Variants in CHST11 observed in about 807,000 individuals in gnomAD.
CHST11 encodes carbohydrate sulfotransferase 11, also known as C4S-1.
Under a neutral mutation model 30.4 loss-of-function variants are expected in CHST11, and 9 were observed. The observed-to-expected ratio is 0.30, with a 90% confidence interval of 0.18 to 0.52. CHST11 has a LOEUF of 0.52. Ranked by LOEUF, CHST11 falls within the 20% of genes least tolerant of loss-of-function variation. The pLI is 0.97. For synonymous variants in CHST11, 152 were observed against 187.8 expected (o/e 0.81, Z 1.56); for missense variants, 348 against 460.6 (o/e 0.76, Z 2.24).
chr12:104,522,501 A>G (rs1435085508), intron 1 of CHST11, among the ~76,000 whole-genome samples: 1 of 152,204 alleles, frequency 6.6e-6, no homozygotes, highest in Non-Finnish European at 1.5e-5. Context: ...AGGCTTGATC[A>G]TCAGAATTAC....
intron 2 of CHST11, among the ~76,000 whole-genome samples, chr12:104,605,763 G>C (rs984324766): frequency 6.6e-6 from 1 of 152,170 alleles, no homozygotes; most frequent in Non-Finnish European, 1.5e-5. Flanking sequence ...ATATTTGTGG[G>C]CCGAGCACAT....
intron 2 of CHST11, among the ~76,000 whole-genome samples, chr12:104,648,953 C>G (rs1233513223): frequency 1.3e-5 from 2 of 152,184 alleles, no homozygotes; most frequent in African/African-American, 4.8e-5. Context: ...GCAGTGGAAG[C>G]AGGGGAAATA....
intron 1 of CHST11, among the ~76,000 whole-genome samples, chr12:104,489,518 C>T (rs536019973): frequency 1.1e-4 from 16 of 151,352 alleles, no homozygotes; most frequent in African/African-American, 3.6e-4. Flanking sequence ...CTCACTCTGT[C>T]GCCAGGCTGG....
intron 2 of CHST11, 59 bp downstream of exon 2, chr12:104,602,050 A>G (rs2038961651): frequency 8.2e-7 from 1 of 1,223,992 alleles, no homozygotes; most frequent in African/African-American, 1.5e-5. Flanking sequence ...TATGGATACT[A>G]AAAACTCTAA....
chr12:104,756,532 GGTGTGTGTGTGT>G (rs113577198), intron 2 of CHST11, among the ~76,000 whole-genome samples: 3 of 143,292 alleles, frequency 2.1e-5, no homozygotes, highest in South Asian at 2.3e-4. Context: ...ATCCATGTGG[GGTGTGTGTGTGT>G]GTGTGTGTGT....
At chr12:104,479,024 G>A (rs1314810374) in intron 1 of CHST11, among the ~76,000 whole-genome samples, 4 of 152,116 alleles carry the variant, frequency 2.6e-5, no homozygotes, top group Non-Finnish European at 5.9e-5. Flanking sequence ...AGGAAAAGCC[G>A]TTTTCAAAAG....
intron 1 of CHST11, among the ~76,000 whole-genome samples, chr12:104,517,195 T>A (rs948495048): frequency 6.6e-6 from 1 of 152,190 alleles, no homozygotes; most frequent in Non-Finnish European, 1.5e-5. Flanking sequence ...TTGGGTGCAC[T>A]GTAAGAGAAG....
chr12:104,639,449 C>T (rs2136073676), intron 2 of CHST11, among the ~76,000 whole-genome samples: 1 of 152,190 alleles, frequency 6.6e-6, no homozygotes, highest in South Asian at 2.1e-4. Context: ...ACACAGTAAG[C>T]CAATCACTGT....
intron 2 of CHST11, among the ~76,000 whole-genome samples, chr12:104,602,860 G>A (rs1020674377): frequency 3.3e-5 from 5 of 152,094 alleles, no homozygotes; most frequent in African/African-American, 4.8e-5. Flanking sequence ...GATAATGCAC[G>A]GGCCTCAAAG....
At chr12:104,738,270 G>T (rs1756802662) in intron 2 of CHST11, among the ~76,000 whole-genome samples, 1 of 152,178 alleles carries the variant, frequency 6.6e-6, no homozygotes, top group Non-Finnish European at 1.5e-5. Flanking sequence ...GACCAGCTTT[G>T]AGGTTCGCAG....
At chr12:104,587,651 G>C (rs1178229785) in intron 1 of CHST11, among the ~76,000 whole-genome samples, 1 of 152,192 alleles carries the variant, frequency 6.6e-6, no homozygotes, top group African/African-American at 2.4e-5. Flanking sequence ...ACCCGCCTTA[G>C]CCTTCCAAAG....
intron 1 of CHST11, among the ~76,000 whole-genome samples, chr12:104,502,100 C>T (rs1200113139): frequency 6.6e-6 from 1 of 151,892 alleles, no homozygotes; most frequent in Admixed American, 6.6e-5. Context: ...ATGATCATAG[C>T]TCACTGCAGC....
intron 2 of CHST11, among the ~76,000 whole-genome samples, chr12:104,655,655 C>T (rs1031261504): frequency 6.6e-5 from 10 of 152,050 alleles, no homozygotes; most frequent in South Asian, 4.1e-4. Flanking sequence ...AACAGTGTTA[C>T]GAGCAATGGG....
At chr12:104,523,034 A>T (rs998301468) in intron 1 of CHST11, among the ~76,000 whole-genome samples, 1 of 152,234 alleles carries the variant, frequency 6.6e-6, no homozygotes, top group African/African-American at 2.4e-5. Flanking sequence ...TAATAAGAGA[A>T]GCTGTGATGC....
intron 1 of CHST11, among the ~76,000 whole-genome samples, chr12:104,509,650 G>A (rs991445622): frequency 2.0e-5 from 3 of 152,074 alleles, no homozygotes; most frequent in African/African-American, 4.8e-5. Context: ...AAAGGCCCCC[G>A]CCCCCACAAC....
rs930894604 is a variant in CHST11, at chr12:104,507,351, A to G, written c.118+49822A>G. Among the ~76,000 whole-genome samples the G allele has an allele frequency of 9.2e-5, 14 of 152,178 alleles. 1 individual carries two copies. The highest frequency in any genetic ancestry group is 5.9e-5 in the Non-Finnish European group (4 of 68,022). On this transcript the variant is annotated intron_variant, in intron 1 of 2. Transcript: ENST00000303694. ...AGGCAGCATGCTTTGCCTCCTGCTG[A>G]GACAGATCCTGCTTTTGCTGCTTCC...
chr12:104,644,088 C>T (rs986794336), intron 2 of CHST11, among the ~76,000 whole-genome samples: 6 of 152,246 alleles, frequency 3.9e-5, no homozygotes, highest in South Asian at 2.1e-4. Context: ...GATTGGCTCA[C>T]GGGATGGAGA....
chr12:104,699,829 G>C lies in CHST11; in HGVS notation c.205-57120G>C, dbSNP rs576524551. ...GACTATAGTCACTATAGCTTCATCAGCAGGGGCGGGAAATGATGCTGCCTC... is the reference window on the plus strand; with the variant it reads ...GACTATAGTCACTATAGCTTCATCACCAGGGGCGGGAAATGATGCTGCCTC... On this transcript the variant is annotated intron_variant, in intron 2 of 2. Transcript: ENST00000303694. Among the ~76,000 whole-genome samples, 9 of 152,320 alleles carry C rather than the reference G, an allele frequency of 5.9e-5. 1 individual carries two copies. In the South Asian group the frequency reaches 1.5e-3, roughly 25 times the overall value.
chr12:104,606,849 C>A (rs945818782), intron 2 of CHST11, among the ~76,000 whole-genome samples: 1 of 152,078 alleles, frequency 6.6e-6, no homozygotes, highest in African/African-American at 2.4e-5. Context: ...GGGCAGATCA[C>A]CTGAGATCAG....
Sources: gnomAD v4.1 joint callset for allele counts (sites outside exome capture counted in the v4.1 genomes callset) on GRCh38, gnomAD v4.1.1 for gene constraint, MANE v1.5 for transcripts, NCBI Gene and HGNC (gene_info 2026-07-23, HGNC 2026-07-21) for gene names.